Variants in NOSTRIN observed in about 807,000 individuals in gnomAD.
The protein encoded by NOSTRIN is nitric oxide synthase trafficking.
Under a neutral mutation model 59.0 loss-of-function variants are expected in NOSTRIN, and 63 were observed. The observed-to-expected ratio is 1.07, with a 90% CI of 0.87 to 1.32. The LOEUF (loss-of-function observed/expected upper bound fraction) is 1.32, where lower values mean the gene tolerates loss of function less well. NOSTRIN is among the 40% of genes most tolerant of loss of function. The pLI is 0.00. For missense variants in NOSTRIN, 512 were observed against 473.1 expected, an observed-to-expected ratio of 1.08 and a Z score of -0.76; for synonymous variants, 200 against 165.4, an observed-to-expected ratio of 1.21 and a Z score of -1.61.
chr2:168,860,928 T>C lies in NOSTRIN; in HGVS notation c.1294+19T>C, dbSNP rs1382255258. 1.3e-6 allele frequency: 2 copies of C among 1,552,604 alleles called. No individual in the cohort carries two copies. The highest frequency in any genetic ancestry group is 1.8e-6 in the Non-Finnish European group (2 of 1,124,266). ...ACTCCAGGTAATCCCATGCCCACAA[T>C]CATTTTGGCCTGGGTCCTACTGGCA... On this transcript the variant is annotated intron_variant, in intron 14 of 15. Coordinates refer to ENST00000317647, the MANE Select transcript of NOSTRIN (RefSeq NM_001039724.4).
At chr2:168,789,392 G>A (rs74715539) in intron 2 of NOSTRIN, among the ~76,000 whole-genome samples, 2,506 of 152,318 alleles carry the variant, frequency 0.016, 58 homozygotes, top group African/African-American at 0.056. Context: ...ATCTTACGTG[G>A]CTGCAGGCAA....
rs1386202585 is a variant in NOSTRIN, at chr2:168,864,936, C to T, written c.1487C>T (p.Pro496Leu). ...CCTGCCGCTTATGTGGAGGAGTTAC[C>T]TTCAAATGCTGGCAACACAGCTACA... Reference protein sequence around the residue: ...HFPAAYVEELPSNAGNTATKA With the variant: ...HFPAAYVEELLSNAGNTATKA Residue 496 changes from proline to leucine, a missense_variant, in exon 16 of 16, where the codon CCT becomes CTT. Physicochemically the swap from Pro to Leu is moderately conservative, Grantham distance 98. Coordinates refer to ENST00000317647, the MANE Select transcript of NOSTRIN (RefSeq NM_001039724.4). 2 of 1,613,932 alleles carry T rather than the reference C, an allele frequency of 1.2e-6. No homozygotes were observed. The highest frequency in any genetic ancestry group is 8.5e-7 in the Non-Finnish European group (1 of 1,180,014).
intron 7 of NOSTRIN, among the ~76,000 whole-genome samples, 182 bp downstream of exon 7, chr2:168,834,507 G>GCGTGCGCACACACACACA (rs756381301): frequency 1.6e-5 from 2 of 125,342 alleles, no homozygotes; most frequent in Non-Finnish European, 3.3e-5. Context: ...GCGCGCGCGC[G>GCGTGCGCACACACACACA]CACACACACA....
At chr2:168,826,458 CTCCCTTG>C (rs1687072925) in intron 3 of NOSTRIN, among the ~76,000 whole-genome samples, 1 of 152,052 alleles carries the variant, frequency 6.6e-6, no homozygotes, top group Admixed American at 6.6e-5. Context: ...CCCTCCCTTC[CTCCCTTG>C]CTTCCTTCGT....
chr2:168,797,071 TC>T (rs1299959811), upstream of NOSTRIN, among the ~76,000 whole-genome samples: 11 of 103,446 alleles, frequency 1.1e-4, 1 homozygote, highest in South Asian at 4.1e-4. Context: ...TCTTTCTTTT[TC>T]TTTTTTCTTT....
At position 168,864,845 on chromosome 2, in the gene NOSTRIN, A is replaced by T; in HGVS notation, c.1396A>T (p.Ile466Phe). The change falls in exon 16 of 16, where the codon ATT becomes TTT. Residue 466 changes from isoleucine (I) to phenylalanine (F), a missense_variant. Transcript: ENST00000317647. ...ELNLEKGDIV[I>F]IHEKKEGGWW... ...CTGTATTTTCACAGGTGACATTGTG[A>T]TTATACACGAGAAAAAAGAAGGAGG... The T allele has an allele frequency of 6.2e-7, 1 of 1,613,936 alleles. No individual in the cohort carries two copies. The highest frequency in any genetic ancestry group is 1.7e-4 in the Middle Eastern group (1 of 6,060).
chr2:168,840,806 G>A (rs1228190189), intron 7 of NOSTRIN, among the ~76,000 whole-genome samples: 1 of 152,054 alleles, frequency 6.6e-6, no homozygotes, highest in African/African-American at 2.4e-5. Context: ...AGAATGGTTT[G>A]AAGACCATTT....
At chr2:168,862,158 C>T (rs1321343309) in intron 15 of NOSTRIN, 109 bp downstream of exon 15, 1 of 888,732 alleles carries the variant, frequency 1.1e-6, no homozygotes, top group Admixed American at 2.2e-5. Flanking sequence ...CATGTCAAAT[C>T]AGTTCACCCT....
At chr2:168,812,330 A>G (rs1686186336) in intron 2 of NOSTRIN, among the ~76,000 whole-genome samples, 1 of 152,152 alleles carries the variant, frequency 6.6e-6, no homozygotes, top group Non-Finnish European at 1.5e-5. Flanking sequence ...GACTGTTAAA[A>G]CCATTTCAAA....
Position 168,855,347 on chromosome 2 carries a change from T to C in NOSTRIN, c.856-5T>C, listed in dbSNP as rs747253072. The C allele has an allele frequency of 6.6e-6, 10 of 1,516,822 alleles. No individual in the cohort carries two copies. Among genetic ancestry groups the C allele is most frequent in the Non-Finnish European group, 7.2e-6 (8 of 1,110,466 alleles). 94.0% of individuals were successfully genotyped at this position (1,516,822 alleles called of 1,614,324 possible). A position where few individuals can be genotyped will look rare whatever the true frequency, so the allele number is the denominator to read the frequency against. Reference sequence around the variant, plus strand: ...CTTGTTAGACATCCTTCTTTTTTCCTAAAGGAAGAAGATCCTAACAGTGCA... The same window carrying C: ...CTTGTTAGACATCCTTCTTTTTTCCCAAAGGAAGAAGATCCTAACAGTGCA... On this transcript the variant is annotated splice_polypyrimidine_tract_variant and splice_region_variant and intron_variant, in intron 10 of 15. Coordinates refer to ENST00000317647, the MANE Select transcript of NOSTRIN (RefSeq NM_001039724.4).
chr2:168,809,902 A>G (rs1686046538), intron 1 of NOSTRIN, among the ~76,000 whole-genome samples: 1 of 152,044 alleles, frequency 6.6e-6, no homozygotes, highest in Admixed American at 6.5e-5. Context: ...ACAAATTGGA[A>G]CCTCACTACA....
chr2:168,793,335 C>T (rs187003984), upstream of NOSTRIN, among the ~76,000 whole-genome samples: 13 of 152,264 alleles, frequency 8.5e-5, no homozygotes, highest in East Asian at 2.1e-3. Flanking sequence ...GGCCAGGCGC[C>T]ATGGCTCACA....
At chr2:168,856,012 G>A in intron 11 of NOSTRIN, 1 of 367,230 alleles carries the variant, frequency 2.7e-6, no homozygotes, top group Non-Finnish European at 5.3e-6. Flanking sequence ...TCATTGCAAT[G>A]GAATACTAGA....
intron 1 of NOSTRIN, among the ~76,000 whole-genome samples, chr2:168,805,261 C>G (rs924534581): frequency 1.3e-5 from 2 of 152,188 alleles, no homozygotes. Flanking sequence ...GCCAGGGTGG[C>G]ATAAGATTGC....
chr2:168,855,480 A>G lies in NOSTRIN; in HGVS notation c.964+20A>G. On this transcript the variant is annotated intron_variant, in intron 11 of 15. Coordinates refer to ENST00000317647, the MANE Select transcript of NOSTRIN (RefSeq NM_001039724.4). ...AGGAAGGTGTGTAACCATCTCTTTG[A>G]ATGGCCAGAAAAGGGACCATATGAT... The G allele has an allele frequency of 7.3e-7, 1 of 1,379,074 alleles. No homozygotes were observed. The highest frequency in any genetic ancestry group is 1.0e-6 in the Non-Finnish European group (1 of 970,972). 85.4% of individuals were successfully genotyped at this position (1,379,074 alleles called of 1,614,324 possible).
intron 15 of NOSTRIN, chr2:168,863,752 G>GACAT (rs2105806085): frequency 1.4e-6 from 1 of 715,482 alleles, no homozygotes; most frequent in Non-Finnish European, 1.7e-6. Flanking sequence ...CTGTTGGTGA[G>GACAT]ACATACTTAT....
At chr2:168,855,327 T>A in intron 10 of NOSTRIN, 25 bp from the exon 11 acceptor site, 1 of 1,267,492 alleles carries the variant, frequency 7.9e-7, no homozygotes, top group Non-Finnish European at 1.1e-6. Flanking sequence ...TCCCCCTTGT[T>A]AGACATCCTT....
intron 5 of NOSTRIN, among the ~76,000 whole-genome samples, chr2:168,830,917 T>A (rs1687324544): frequency 6.6e-6 from 1 of 152,212 alleles, no homozygotes; most frequent in Admixed American, 6.5e-5. Flanking sequence ...ACATGCTTTT[T>A]ACATTCTTAT....
At chr2:168,834,862 A>C (rs1343403099) in intron 7 of NOSTRIN, among the ~76,000 whole-genome samples, 4 of 152,218 alleles carry the variant, frequency 2.6e-5, no homozygotes, top group Admixed American at 2.6e-4. Flanking sequence ...ATAGTACTTT[A>C]TGTATTATGT....
Sources: gnomAD v4.1 joint callset for allele counts (sites outside exome capture counted in the v4.1 genomes callset) on GRCh38, gnomAD v4.1.1 for gene constraint, MANE v1.5 for transcripts, NCBI Gene and HGNC (gene_info 2026-07-23, HGNC 2026-07-21) for gene names.